UNC5C: variants seen among roughly 807,000 people sequenced by gnomAD.
UNC5C encodes the protein netrin receptor UNC5C.
Under a neutral mutation model 99.8 loss-of-function variants are expected in UNC5C, and 47 were observed. That is an observed-to-expected ratio of 0.47 (90% CI 0.37 to 0.60). UNC5C has a LOEUF of 0.60. Ranked by LOEUF, UNC5C falls within the 20% of genes least tolerant of loss-of-function variation. The pLI is 0.00. For synonymous variants in UNC5C, 487 were observed against 452.2 expected (o/e 1.08, Z -0.98); for missense variants, 1,062 against 1,165.9 (o/e 0.91, Z 1.30).
chr4:95,395,334 C>T (rs965770775), intron 1 of UNC5C, among the ~76,000 whole-genome samples: 1 of 148,288 alleles, frequency 6.7e-6, no homozygotes, highest in Non-Finnish European at 1.5e-5. Context: ...CTCAATAAAG[C>T]TATTTTCCTT....
rs748916903 is a variant in UNC5C at position 95,290,410 on chromosome 4, T to C, written c.490+11196A>G. Among the ~76,000 whole-genome samples, 57 of 151,936 alleles carry C rather than the reference T, an allele frequency of 3.8e-4. 1 individual carries two copies. Among genetic ancestry groups the C allele is most frequent in the Non-Finnish European group, 7.4e-5 (5 of 67,978 alleles). On this transcript the variant is annotated intron_variant, in intron 3 of 15. Transcript: ENST00000453304. Reference sequence around the variant, plus strand: ...AACAATAAAACAAACAAAAATCAACTATATGCAGTTCCCTCTATAGTTTGA... The same window carrying C: ...AACAATAAAACAAACAAAAATCAACCATATGCAGTTCCCTCTATAGTTTGA...
chr4:95,465,032 G>A (rs1747731086), intron 1 of UNC5C, among the ~76,000 whole-genome samples: 1 of 152,166 alleles, frequency 6.6e-6, no homozygotes, highest in South Asian at 2.1e-4. Flanking sequence ...CTGAACGTGT[G>A]TCCCCAGTGA....
chr4:95,312,924 T>C lies in UNC5C; in HGVS notation c.347-11175A>G, dbSNP rs116259826. ...CACCTCATCATGGCTCTCAGTATGG[T>C]TTTGTTTAGCATTCTCTACATTGAT... is the stretch of plus-strand genomic sequence containing the variant. On this transcript the variant is annotated intron_variant, in intron 2 of 15. Coordinates refer to ENST00000453304, the MANE Select transcript of UNC5C (RefSeq NM_003728.4). 2.7e-3 allele frequency among the ~76,000 whole-genome samples: 407 copies of C among 152,284 alleles called. 3 individuals carry two copies. Among genetic ancestry groups the C allele is most frequent in the African/African-American group, 8.7e-3 (363 of 41,574 alleles).
At chr4:95,479,901 G>C (rs1312124997) in intron 1 of UNC5C, among the ~76,000 whole-genome samples, 1 of 151,836 alleles carries the variant, frequency 6.6e-6, no homozygotes, top group Non-Finnish European at 1.5e-5. Context: ...TAGAGAACGG[G>C]CCTCATCTAA....
At chr4:95,328,750 T>C (rs555306111) in intron 2 of UNC5C, among the ~76,000 whole-genome samples, 1 of 151,876 alleles carries the variant, frequency 6.6e-6, no homozygotes, top group South Asian at 2.1e-4. Flanking sequence ...TTTTTAATGA[T>C]TGCCATTCTA....
At chr4:95,262,759 G>A (rs1255226238) in intron 4 of UNC5C, among the ~76,000 whole-genome samples, 1 of 151,898 alleles carries the variant, frequency 6.6e-6, no homozygotes, top group Non-Finnish European at 1.5e-5. Context: ...AAAAACCTAT[G>A]GGGGAAATGG....
At chr4:95,423,096 G>A (rs939741679) in intron 1 of UNC5C, among the ~76,000 whole-genome samples, 4 of 152,140 alleles carry the variant, frequency 2.6e-5, no homozygotes, top group Non-Finnish European at 4.4e-5. Flanking sequence ...CTTTATTAAT[G>A]CAGACAAATC....
intron 1 of UNC5C, among the ~76,000 whole-genome samples, chr4:95,509,379 C>A (rs2149486908): frequency 6.6e-6 from 1 of 151,826 alleles, no homozygotes; most frequent in South Asian, 2.1e-4. Flanking sequence ...CATATTTCAG[C>A]CCTCAACTCC....
At chr4:95,502,507 A>C (rs927733342) in intron 1 of UNC5C, among the ~76,000 whole-genome samples, 1 of 152,130 alleles carries the variant, frequency 6.6e-6, no homozygotes, top group African/African-American at 2.4e-5. Flanking sequence ...TCCTGGCTTC[A>C]AGCCGGCCTC....
chr4:95,253,404 A>G (rs1410315101), intron 4 of UNC5C, among the ~76,000 whole-genome samples: 1 of 152,068 alleles, frequency 6.6e-6, no homozygotes, highest in African/African-American at 2.4e-5. Context: ...AAGAGACATG[A>G]TTGCTGGGTA....
intron 1 of UNC5C, among the ~76,000 whole-genome samples, chr4:95,406,456 T>C (rs1426427998): frequency 6.6e-6 from 1 of 152,152 alleles, no homozygotes; most frequent in Admixed American, 6.6e-5. Flanking sequence ...ATTGTTTGAT[T>C]CCATTAGGTC....
intron 2 of UNC5C, among the ~76,000 whole-genome samples, chr4:95,330,172 T>C (rs1252493667): frequency 6.6e-6 from 1 of 152,142 alleles, no homozygotes; most frequent in East Asian, 1.9e-4. Context: ...TCTATTAATC[T>C]GTACGTTTTG....
chr4:95,271,134 C>T (rs1331429074), intron 4 of UNC5C, among the ~76,000 whole-genome samples: 1 of 152,240 alleles, frequency 6.6e-6, no homozygotes. Context: ...AACCCTCCTG[C>T]TCTGTGACTA....
chr4:95,292,212 T>C (rs1414587356), intron 3 of UNC5C, among the ~76,000 whole-genome samples: 85 of 57,020 alleles, frequency 1.5e-3, no homozygotes, highest in African/African-American at 7.4e-3. Flanking sequence ...TATATACATA[T>C]ATATACACAC....
At chr4:95,371,411 C>T (rs912372132) in intron 1 of UNC5C, among the ~76,000 whole-genome samples, 3 of 99,830 alleles carry the variant, frequency 3.0e-5, no homozygotes, top group African/African-American at 1.4e-4. Context: ...AATAAAAACA[C>T]AGTATATTTT....
At chr4:95,184,860 T>C (rs1375489752) in intron 13 of UNC5C, among the ~76,000 whole-genome samples, 187 bp downstream of exon 13, 2 of 152,194 alleles carry the variant, frequency 1.3e-5, no homozygotes, top group African/African-American at 4.8e-5. Flanking sequence ...AAAGGAAGAA[T>C]TTTTAAAAAG....
intron 3 of UNC5C, among the ~76,000 whole-genome samples, chr4:95,279,626 A>G (rs942964179): frequency 6.6e-6 from 1 of 152,236 alleles, no homozygotes; most frequent in African/African-American, 2.4e-5. Context: ...ATGCATGTAC[A>G]GTTCAGTTCC....
At position 95,440,404 on chromosome 4, in the gene UNC5C, T is replaced by A. The variant is rs1746914448; in HGVS notation, c.125-104773A>T. On this transcript the variant is annotated intron_variant, in intron 1 of 15. Coordinates refer to ENST00000453304, the MANE Select transcript of UNC5C (RefSeq NM_003728.4). ...AGAAATTCAAACAAAACAGACCAAT[T>A]TTTTCAACCTTCATTAACAGCAATT... Among the ~76,000 whole-genome samples, 3 of 152,148 alleles carry A rather than the reference T, an allele frequency of 2.0e-5. No individual in the cohort carries two copies. The South Asian group carries it at 6.2e-4, about 32-fold the overall frequency.
At chr4:95,268,945 A>G (rs1226641499) in intron 4 of UNC5C, among the ~76,000 whole-genome samples, 1 of 152,316 alleles carries the variant, frequency 6.6e-6, no homozygotes, top group African/African-American at 2.4e-5. Flanking sequence ...GGGAAAAGCA[A>G]TTATGGGGCT....
Sources: allele counts gnomAD v4.1 joint callset (sites outside exome capture counted in the v4.1 genomes callset), GRCh38; gene constraint gnomAD v4.1.1; transcripts MANE v1.5; gene names NCBI Gene and HGNC (gene_info 2026-07-23, HGNC 2026-07-21).